ITPRID1: variants seen among roughly 807,000 people sequenced by gnomAD.
The protein encoded by ITPRID1 is protein ITPRID1.
A neutral mutation model predicts 95.4 loss-of-function variants in ITPRID1; 96 were observed. The ratio of observed to expected loss-of-function variants is 1.01; its 90% CI spans 0.85 to 1.19. The LOEUF is 1.19. Among genes scored for constraint, ITPRID1 ranks in the 50% most tolerant of loss-of-function variants. The probability of loss-of-function intolerance (pLI) is 0.00; values close to 1 mark genes in which losing one functional copy is unlikely to be tolerated. For missense variants in ITPRID1, 1,339 were observed against 1,252.9 expected, an observed-to-expected ratio of 1.07 and a Z score of -1.04; for synonymous variants, 510 against 453.6, an observed-to-expected ratio of 1.12 and a Z score of -1.58.
chr7:31,549,295 AC>A, intron 1 of ITPRID1, 130 bp from the exon 2 acceptor site: 1 of 537,102 alleles, frequency 1.9e-6, no homozygotes, highest in East Asian at 3.3e-5. Flanking sequence ...TCTCCCAAAA[AC>A]ATCTACTTCT....
At chr7:31,625,175 G>A (rs1329667289) in intron 10 of ITPRID1, among the ~76,000 whole-genome samples, 1 of 152,060 alleles carries the variant, frequency 6.6e-6, no homozygotes, top group African/African-American at 2.4e-5. Context: ...ATTGTTGGTG[G>A]GACTGTAAAC....
intron 10 of ITPRID1, among the ~76,000 whole-genome samples, chr7:31,638,364 C>G (rs894883605): frequency 6.6e-6 from 1 of 152,126 alleles, no homozygotes; most frequent in Non-Finnish European, 1.5e-5. Context: ...TTCTATTACT[C>G]AGGTTAAAGG....
At chr7:31,598,398 CTTTTTTTTTTTTTTTT>C (rs869161999) in intron 10 of ITPRID1, among the ~76,000 whole-genome samples, 1 of 106,830 alleles carries the variant, frequency 9.4e-6, no homozygotes, top group Non-Finnish European at 1.9e-5. Flanking sequence ...TTTTTTTTTT[CTTTTTTTTTTTTTTTT>C]TTTTTTTGAG....
At chr7:31,523,657 G>A (rs1214476628) in intron 1 of ITPRID1, among the ~76,000 whole-genome samples, 2 of 152,184 alleles carry the variant, frequency 1.3e-5, no homozygotes, top group Admixed American at 6.5e-5. Flanking sequence ...TTGTTTAAAT[G>A]TGTGGCATCC....
chr7:31,634,972 G>A (rs945550151), intron 10 of ITPRID1, among the ~76,000 whole-genome samples: 15 of 152,158 alleles, frequency 9.9e-5, no homozygotes, highest in Non-Finnish European at 1.0e-4. Flanking sequence ...ACTGGGTGGG[G>A]TGGGATTGGC....
intron 5 of ITPRID1, among the ~76,000 whole-genome samples, chr7:31,563,251 G>A (rs1784684810): frequency 6.6e-6 from 1 of 152,220 alleles, no homozygotes; most frequent in Non-Finnish European, 1.5e-5. Flanking sequence ...GCACAGAAAT[G>A]AGAAGAAAGC....
At chr7:31,578,603 A>G (rs918671414) in intron 9 of ITPRID1, among the ~76,000 whole-genome samples, 169 bp downstream of exon 9, 3 of 152,164 alleles carry the variant, frequency 2.0e-5, no homozygotes, top group Admixed American at 2.0e-4. Flanking sequence ...TTTTGTTGGA[A>G]ATAAGCTAGT....
intron 10 of ITPRID1, among the ~76,000 whole-genome samples, chr7:31,599,783 C>A (rs1220887403): frequency 6.6e-6 from 1 of 151,340 alleles, no homozygotes; most frequent in Non-Finnish European, 1.5e-5. Context: ...CTCACTGAAC[C>A]CTCCCGGATT....
chr7:31,555,077 G>T (rs1484915872), intron 5 of ITPRID1, 176 bp downstream of exon 5: 2 of 570,588 alleles, frequency 3.5e-6, no homozygotes, highest in Non-Finnish European at 3.1e-6. Context: ...AAAAATGATA[G>T]GTGCTTCCCC....
chr7:31,539,439 C>A (rs963422021), intron 1 of ITPRID1, among the ~76,000 whole-genome samples: 16 of 152,162 alleles, frequency 1.1e-4, no homozygotes, highest in Non-Finnish European at 1.5e-4. Context: ...TTGATCCTCC[C>A]ACAGTGCTGG....
chr7:31,548,614 G>C (rs968054808), intron 1 of ITPRID1, among the ~76,000 whole-genome samples: 1 of 152,034 alleles, frequency 6.6e-6, no homozygotes, highest in African/African-American at 2.4e-5. Context: ...TCCAGGAAGG[G>C]TGGAAGATTG....
chr7:31,652,570 A>G lies in ITPRID1; in HGVS notation c.2876A>G (p.Gln959Arg). The G allele has an allele frequency of 6.2e-7, 1 of 1,611,118 alleles. No homozygotes were observed. Among genetic ancestry groups the G allele is most frequent in the Non-Finnish European group, 8.5e-7 (1 of 1,178,580 alleles). ...EPPEHYSNLH[Q>R]YNWIEESNGQ... ...CCTGAACACTATTCAAATCTGCATC[A>G]ATATAACTGGATAGAAGAAAGCAAT... The change falls in exon 15 of 15, where the codon CAA (glutamine) becomes CGA (arginine). Residue 959 changes from glutamine to arginine, a missense_variant. Transcript: ENST00000615280.
intron 10 of ITPRID1, among the ~76,000 whole-genome samples, chr7:31,607,464 C>T (rs759844002): frequency 6.6e-5 from 10 of 152,090 alleles, no homozygotes; most frequent in African/African-American, 1.7e-4. Flanking sequence ...TTTCTTGGTC[C>T]GAAATTATTT....
In ITPRID1 at chr7:31,516,842, A is replaced by C. The variant is rs533571927; in HGVS notation, c.-98+2722A>C. ...AAGTGGTGGGTTCTCGGTCTCGCTG[A>C]CTTCAAGAATGAAGCCACAGACCCT... is the stretch of plus-strand genomic sequence containing the variant. On this transcript the variant is annotated intron_variant, in intron 1 of 14. Coordinates refer to ENST00000615280, the MANE Select transcript of ITPRID1 (RefSeq NM_001257967.3). 2.0e-5 allele frequency among the ~76,000 whole-genome samples: 3 copies of C among 152,244 alleles called. No homozygotes were observed. In the South Asian group the frequency reaches 6.2e-4, roughly 32 times the overall value.
At chr7:31,618,282 C>T (rs929458183) in intron 10 of ITPRID1, among the ~76,000 whole-genome samples, 2 of 152,184 alleles carry the variant, frequency 1.3e-5, no homozygotes, top group Admixed American at 6.5e-5. Context: ...ACAACCAATA[C>T]CCCATAAAAA....
intron 12 of ITPRID1, among the ~76,000 whole-genome samples, chr7:31,648,818 C>T (rs27329): frequency 0.16 from 23,842 of 152,228 alleles, 2,334 homozygotes; most frequent in Non-Finnish European, 0.2. Flanking sequence ...TTCAGCTATA[C>T]TGTGGTCCCT....
At chr7:31,519,627 T>TATATAC (rs1431412325) in intron 1 of ITPRID1, among the ~76,000 whole-genome samples, 7 of 112,684 alleles carry the variant, frequency 6.2e-5, no homozygotes, top group Non-Finnish European at 1.2e-4. Flanking sequence ...TCTCTATATA[T>TATATAC]ATATATATAT....
At chr7:31,588,121 G>A (rs560177490) in intron 10 of ITPRID1, among the ~76,000 whole-genome samples, 121 of 152,168 alleles carry the variant, frequency 8.0e-4, no homozygotes, top group African/African-American at 2.7e-3. Context: ...CTCCTAATGA[G>A]CCAACCCTCC....
intron 10 of ITPRID1, among the ~76,000 whole-genome samples, chr7:31,594,792 G>C (rs1273742220): frequency 6.6e-6 from 1 of 151,936 alleles, no homozygotes; most frequent in Non-Finnish European, 1.5e-5. Flanking sequence ...GGGAGGCAGA[G>C]GTTGCAATGA....
Sources: gnomAD v4.1 joint callset for allele counts (sites outside exome capture counted in the v4.1 genomes callset) on GRCh38, gnomAD v4.1.1 for gene constraint, MANE v1.5 for transcripts, NCBI Gene and HGNC (gene_info 2026-07-23, HGNC 2026-07-21) for gene names.